Variants in TMC1 observed in about 807,000 individuals in gnomAD.
The protein encoded by TMC1 is transmembrane channel like 1, also known as transmembrane channel-like protein 1.
Under a neutral mutation model 105.8 loss-of-function variants are expected in TMC1, and 84 were observed. The ratio of observed to expected loss-of-function variants is 0.79; its 90% CI spans 0.67 to 0.95. The LOEUF (loss-of-function observed/expected upper bound fraction) is 0.95, where lower values mean the gene tolerates loss of function less well. TMC1 is among the 40% of genes least tolerant of loss of function. The pLI, the probability that TMC1 is intolerant of heterozygous loss-of-function variation, is 0.00. For missense variants in TMC1, 817 were observed against 914.1 expected (o/e 0.89, Z 1.37); for synonymous variants, 315 against 311.5 (o/e 1.01, Z -0.12).
intron 1 of TMC1, among the ~76,000 whole-genome samples, chr9:72,563,899 CA>C (rs71357586): frequency 0.016 from 827 of 52,116 alleles, 4 homozygotes; most frequent in African/African-American, 0.038. Flanking sequence ...AACTCTGGCT[CA>C]AAAAAAAAAA....
intron 10 of TMC1, among the ~76,000 whole-genome samples, chr9:72,742,974 G>A (rs955166114): frequency 6.6e-6 from 1 of 152,168 alleles, no homozygotes; most frequent in Non-Finnish European, 1.5e-5. Flanking sequence ...AGTGGTTCAC[G>A]CCTGTAATCC....
At chr9:72,603,738 C>T (rs371643701) in intron 2 of TMC1, among the ~76,000 whole-genome samples, 1 of 150,812 alleles carries the variant, frequency 6.6e-6, no homozygotes, top group East Asian at 2.0e-4. Context: ...TTAGTAGAGA[C>T]GGGGTTTCAC....
chr9:72,597,468 A>G (rs1324565150), intron 2 of TMC1, among the ~76,000 whole-genome samples: 1 of 152,166 alleles, frequency 6.6e-6, no homozygotes, highest in Non-Finnish European at 1.5e-5. Flanking sequence ...AAGGTTGAAG[A>G]GCGAGTGGCC....
intron 5 of TMC1, among the ~76,000 whole-genome samples, chr9:72,671,322 G>A (rs1826124584): frequency 6.6e-6 from 1 of 152,186 alleles, no homozygotes; most frequent in Non-Finnish European, 1.5e-5. Flanking sequence ...TCTCACATGA[G>A]GGACTTATGA....
intron 13 of TMC1, among the ~76,000 whole-genome samples, chr9:72,776,642 T>C (rs1050298196): frequency 6.6e-6 from 1 of 152,188 alleles, no homozygotes; most frequent in Non-Finnish European, 1.5e-5. Flanking sequence ...TCTCCTTACG[T>C]AGGCCAAGGT....
At position 72,554,622 on chromosome 9, in the gene TMC1, A is replaced by T. The variant is rs193300043; in HGVS notation, c.-427-23280A>T. ...CAATGGGACATGACAGAATAGTTTC[A>T]GCAGTGAAAGTCAGGGAAGCTGGTT... On this transcript the variant is annotated intron_variant, in intron 1 of 23. Coordinates refer to ENST00000297784, the MANE Select transcript of TMC1 (RefSeq NM_138691.3). Among the ~76,000 whole-genome samples, 410 of 152,336 alleles carry T rather than the reference A, an allele frequency of 2.7e-3. 3 individuals are homozygous for T. The highest frequency in any genetic ancestry group is 0.014 in the Middle Eastern group (4 of 294).
intron 13 of TMC1, among the ~76,000 whole-genome samples, chr9:72,786,533 C>G (rs1828171227): frequency 6.6e-6 from 1 of 152,108 alleles, no homozygotes; most frequent in African/African-American, 2.4e-5. Context: ...TTGCTAACTC[C>G]CCTGGCAAAG....
chr9:72,602,366 ATTTTTTTTTT>A (rs66682329), intron 2 of TMC1, among the ~76,000 whole-genome samples: 2 of 86,552 alleles, frequency 2.3e-5, no homozygotes, highest in Admixed American at 1.5e-4. Context: ...CCTATTGGTG[ATTTTTTTTTT>A]TTTTTTTTTT....
At chr9:72,553,851 C>T (rs2132073668) in intron 1 of TMC1, among the ~76,000 whole-genome samples, 1 of 152,286 alleles carries the variant, frequency 6.6e-6, no homozygotes, top group South Asian at 2.1e-4. Context: ...TTATCCTTTC[C>T]AGGCATTTTT....
intron 8 of TMC1, among the ~76,000 whole-genome samples, chr9:72,735,784 C>T (rs2117999475): frequency 6.8e-6 from 1 of 147,654 alleles, no homozygotes; most frequent in Admixed American, 6.8e-5. Context: ...AGAGTACTTT[C>T]TTACATCCTA....
At chr9:72,806,937 A>G (rs961191668) in intron 18 of TMC1, among the ~76,000 whole-genome samples, 3 of 152,196 alleles carry the variant, frequency 2.0e-5, no homozygotes, top group African/African-American at 7.2e-5. Context: ...GGTTGTAGCG[A>G]GCCGAGATCA....
At chr9:72,797,013 A>T (rs1299151142) in intron 17 of TMC1, among the ~76,000 whole-genome samples, 2 of 152,164 alleles carry the variant, frequency 1.3e-5, no homozygotes, top group Non-Finnish European at 2.9e-5. Flanking sequence ...CGGATAAGCA[A>T]CTTCAGCAGT....
intron 23 of TMC1, among the ~76,000 whole-genome samples, 199 bp downstream of exon 23, chr9:72,830,881 A>G (rs759566686): frequency 6.6e-6 from 1 of 151,696 alleles, no homozygotes; most frequent in Non-Finnish European, 1.5e-5. Flanking sequence ...TTCTAGTGGG[A>G]GGAAAAAAAG....
At chr9:72,566,983 C>T (rs1320424648) in intron 1 of TMC1, among the ~76,000 whole-genome samples, 2 of 152,184 alleles carry the variant, frequency 1.3e-5, no homozygotes, top group Non-Finnish European at 2.9e-5. Context: ...TTTAGTTGCT[C>T]TTCTCTTTGC....
intron 10 of TMC1, among the ~76,000 whole-genome samples, chr9:72,750,528 T>G (rs1827565859): frequency 6.9e-6 from 1 of 145,392 alleles, no homozygotes; most frequent in African/African-American, 2.6e-5. Flanking sequence ...TTCCACTCTC[T>G]GCTTTAAGAG....
At chr9:72,749,820 A>G (rs1048031050) in intron 10 of TMC1, among the ~76,000 whole-genome samples, 1 of 152,024 alleles carries the variant, frequency 6.6e-6, no homozygotes, top group African/African-American at 2.4e-5. Flanking sequence ...TAAAGAATAG[A>G]CAAAGGGGCC....
At chr9:72,794,613 G>A (rs1828332431) in intron 17 of TMC1, among the ~76,000 whole-genome samples, 1 of 152,178 alleles carries the variant, frequency 6.6e-6, no homozygotes, top group African/African-American at 2.4e-5. Context: ...TTCCAGGAAA[G>A]ATGCCTATTG....
At position 72,694,535 on chromosome 9, in the gene TMC1, A is replaced by G. The variant is rs201199492; in HGVS notation, c.65-8A>G. ...GACATTACTCATTGAATCAAGTGCT[A>G]TGTTTAGGTGAAGAGGAAGAGGAGG... On this transcript the variant is annotated splice_region_variant and splice_polypyrimidine_tract_variant and intron_variant, in intron 6 of 23. Transcript: ENST00000297784. The G allele has an allele frequency of 6.8e-6, 11 of 1,611,496 alleles. No individual in the cohort carries two copies. In the African/African-American group the frequency reaches 1.5e-4, roughly 22 times the overall value.
At chr9:72,579,447 C>T (rs2132097573) in intron 2 of TMC1, among the ~76,000 whole-genome samples, 1 of 152,260 alleles carries the variant, frequency 6.6e-6, no homozygotes, top group Non-Finnish European at 1.5e-5. Context: ...CCACTCAGTC[C>T]TTTGACTCAA....
Sources: gnomAD v4.1 joint callset for allele counts (sites outside exome capture counted in the v4.1 genomes callset) on GRCh38, gnomAD v4.1.1 for gene constraint, MANE v1.5 for transcripts, NCBI Gene and HGNC (gene_info 2026-07-23, HGNC 2026-07-21) for gene names.